The following SMIM10L3 variants were observed in gnomAD, a reference collection of about 807,000 sequenced individuals.
SMIM10L3 encodes salivary gland specific protein SAGSIN1.
At chr7:6,342,092 C>T in the SMIM10L3 span, 1 of 152,138 alleles carries the variant, frequency 6.6e-6, no homozygotes, top group Non-Finnish European at 1.5e-5. Context: ...TAAGAACCTA[C>T]CCTACGCCAG....
chr7:6,347,269 C>T, the SMIM10L3 span, among the ~76,000 whole-genome samples: 9 of 152,226 alleles, frequency 5.9e-5, no homozygotes, highest in African/African-American at 2.2e-4. Context: ...AATCCCAGCA[C>T]TTTGGGAGGT....
At chr7:6,331,069 C>G in the SMIM10L3 span, 4 of 1,613,700 alleles carry the variant, frequency 2.5e-6, no homozygotes, top group African/African-American at 2.7e-5. Context: ...TTTCTTAAGG[C>G]TGCATGATAG....
At chr7:6,330,484 G>C in the SMIM10L3 span, 1 of 1,614,128 alleles carries the variant, frequency 6.2e-7, no homozygotes, top group Admixed American at 1.7e-5. Flanking sequence ...GAATTCTATT[G>C]TTTGCTTTGA....
chr7:6,347,089 G>C, the SMIM10L3 span, among the ~76,000 whole-genome samples: 1 of 152,196 alleles, frequency 6.6e-6, no homozygotes, highest in Non-Finnish European at 1.5e-5. Flanking sequence ...TGCTTTGGGA[G>C]GGCAAGGCAG....
At chr7:6,341,123 G>A in the SMIM10L3 span, among the ~76,000 whole-genome samples, 1 of 146,742 alleles carries the variant, frequency 6.8e-6, no homozygotes, top group South Asian at 2.2e-4. Context: ...CAGCCTGGGC[G>A]ACACAGCAAG....
the SMIM10L3 span, among the ~76,000 whole-genome samples, chr7:6,335,125 C>A: frequency 1.3e-5 from 2 of 151,832 alleles, no homozygotes. Flanking sequence ...CGTAGTGGTG[C>A]AATCTTAGCT....
the SMIM10L3 span, among the ~76,000 whole-genome samples, chr7:6,337,097 T>C: frequency 6.8e-6 from 1 of 148,050 alleles, no homozygotes; most frequent in Non-Finnish European, 1.5e-5. Context: ...GAGACAAGAG[T>C]CTCTCTCTGT....
chr7:6,330,121 AG>A, the SMIM10L3 span: 1 of 477,028 alleles, frequency 2.1e-6, no homozygotes, highest in Non-Finnish European at 3.8e-6. Flanking sequence ...GTATTTATAC[AG>A]GCTATGATCG....
At chr7:6,338,131 AAC>A in the SMIM10L3 span, among the ~76,000 whole-genome samples, 9 of 152,290 alleles carry the variant, frequency 5.9e-5, no homozygotes, top group Admixed American at 4.6e-4. Context: ...GGTTATCAAA[AAC>A]ATTTTGGCTC....
At chr7:6,347,822 G>C in the SMIM10L3 span, among the ~76,000 whole-genome samples, 1 of 151,320 alleles carries the variant, frequency 6.6e-6, no homozygotes, top group Non-Finnish European at 1.5e-5. Context: ...GGGAGGCCAA[G>C]ATGGGAGGAT....
chr7:6,337,916 G>A, the SMIM10L3 span, among the ~76,000 whole-genome samples: 1 of 151,492 alleles, frequency 6.6e-6, no homozygotes, highest in African/African-American at 2.4e-5. Flanking sequence ...CAATTCTCCT[G>A]CCTCACCCTC....
chr7:6,337,237 C>T, the SMIM10L3 span, among the ~76,000 whole-genome samples: 1 of 152,082 alleles, frequency 6.6e-6, no homozygotes, highest in Non-Finnish European at 1.5e-5. Context: ...ATGGCCCTGG[C>T]TGGTTTTAGC....
chr7:6,348,920 G>A, the SMIM10L3 span: 5 of 384,764 alleles, frequency 1.3e-5, no homozygotes, highest in African/African-American at 2.1e-5. Flanking sequence ...CACGCTCGGA[G>A]AAGTGCCTCC....
chr7:6,337,073 CT>C, the SMIM10L3 span, among the ~76,000 whole-genome samples: 1,609 of 144,414 alleles, frequency 0.011, 13 homozygotes, highest in Admixed American at 0.022. Flanking sequence ...TATTTTAATT[CT>C]TTTTTTTTTT....
the SMIM10L3 span, among the ~76,000 whole-genome samples, chr7:6,347,658 T>C: frequency 6.6e-6 from 1 of 152,152 alleles, no homozygotes; most frequent in African/African-American, 2.4e-5. Context: ...TTATTTTCCC[T>C]GGTCTTCACC....
chr7:6,343,048 AG>A, the SMIM10L3 span, among the ~76,000 whole-genome samples: 108 of 78,318 alleles, frequency 1.4e-3, 1 homozygote, highest in Middle Eastern at 5.0e-3. Context: ...AAAAAAAAAA[AG>A]AAAAAAGAAA....
the SMIM10L3 span, among the ~76,000 whole-genome samples, chr7:6,340,438 C>T: frequency 4.6e-5 from 7 of 152,080 alleles, no homozygotes; most frequent in Non-Finnish European, 8.8e-5. Flanking sequence ...AAGTACACTT[C>T]AGTAGAAGGG....
At chr7:6,334,099 G>A in the SMIM10L3 span, among the ~76,000 whole-genome samples, 2 of 151,212 alleles carry the variant, frequency 1.3e-5, no homozygotes, top group Admixed American at 6.6e-5. Flanking sequence ...GCCCACCTTG[G>A]CCTCCCAAAG....
chr7:6,347,773 A>G, the SMIM10L3 span, among the ~76,000 whole-genome samples: 1 of 151,836 alleles, frequency 6.6e-6, no homozygotes, highest in Non-Finnish European at 1.5e-5. Context: ...ACGTCTATGC[A>G]GGCCAGATGT....
Sources: allele counts gnomAD v4.1 joint callset (sites outside exome capture counted in the v4.1 genomes callset), GRCh38; gene constraint gnomAD v4.1.1; transcripts MANE v1.5; gene names NCBI Gene and HGNC (gene_info 2026-07-23, HGNC 2026-07-21).